SH3BP5: variants seen among roughly 807,000 people sequenced by gnomAD.
SH3BP5 encodes SH3 domain binding protein 5, also known as SH3 domain-binding protein 5.
A neutral mutation model predicts 43.3 loss-of-function variants in SH3BP5; 22 were observed. The observed-to-expected ratio is 0.51, with a 90% CI of 0.36 to 0.73. The LOEUF (loss-of-function observed/expected upper bound fraction) is 0.73. Among genes scored for constraint, SH3BP5 ranks in the 30% least tolerant of loss-of-function variants. The pLI is 0.00. For synonymous variants in SH3BP5, 255 were observed against 225.8 expected (o/e 1.13, Z -1.16); for missense variants, 529 against 586.9 (o/e 0.90, Z 1.02).
chr3:15,270,020 T>C lies in SH3BP5; in HGVS notation c.331-143A>G, dbSNP rs889681581. 160 of 661,284 alleles carry C rather than the reference T, an allele frequency of 2.4e-4. 1 individual carries two copies. The highest frequency in any genetic ancestry group is 7.9e-5 in the Non-Finnish European group (32 of 407,414). The allele number at this position is 661,284 out of a possible 1,614,324, so 41.0% of individuals were successfully genotyped here. A position where few individuals can be genotyped will look rare whatever the true frequency, so the allele number is the denominator to read the frequency against. On this transcript the variant is annotated intron_variant, in intron 3 of 8. Transcript: ENST00000383791. ...CACTCCTGGCACCCACAGGTCCTCATAGATGCCAGACAGGGCAATGGACCC... is the reference window on the plus strand; with the variant it reads ...CACTCCTGGCACCCACAGGTCCTCACAGATGCCAGACAGGGCAATGGACCC...
intron 3 of SH3BP5, among the ~76,000 whole-genome samples, chr3:15,274,177 C>T (rs191257650): frequency 9.0e-4 from 137 of 151,528 alleles, no homozygotes; most frequent in African/African-American, 3.0e-3. Context: ...ACCCAGGAGG[C>T]GGAGGTTGCA....
At chr3:15,289,599 T>C (rs1274109489) in intron 3 of SH3BP5, among the ~76,000 whole-genome samples, 1 of 152,230 alleles carries the variant, frequency 6.6e-6, no homozygotes, top group African/African-American at 2.4e-5. Context: ...TTTTGAGTTC[T>C]GTTGCTTACG....
intron 3 of SH3BP5, among the ~76,000 whole-genome samples, chr3:15,294,870 G>A (rs1697525777): frequency 6.6e-6 from 1 of 152,180 alleles, no homozygotes; most frequent in South Asian, 2.1e-4. Flanking sequence ...TGTCCATGCT[G>A]TTCCTTTCCT....
upstream of SH3BP5, among the ~76,000 whole-genome samples, chr3:15,334,552 G>T (rs1698678626): frequency 6.7e-6 from 1 of 150,224 alleles, no homozygotes; most frequent in Non-Finnish European, 1.5e-5. Flanking sequence ...AACAAAGCGA[G>T]ACTGCCTTGC....
At chr3:15,267,689 C>G (rs1188257035) in intron 4 of SH3BP5, among the ~76,000 whole-genome samples, 1 of 152,176 alleles carries the variant, frequency 6.6e-6, no homozygotes. Flanking sequence ...TTGCACTGCA[C>G]AACTCCAAAA....
At chr3:15,338,193 A>G (rs1171291163) in intron 1 of SH3BP5, among the ~76,000 whole-genome samples, 2 of 151,926 alleles carry the variant, frequency 1.3e-5, no homozygotes, top group Non-Finnish European at 2.9e-5. Flanking sequence ...AAATACAAAA[A>G]CTAGCTAGGT....
intron 3 of SH3BP5, among the ~76,000 whole-genome samples, chr3:15,291,996 G>A (rs898560110): frequency 1.3e-5 from 2 of 152,136 alleles, no homozygotes; most frequent in Non-Finnish European, 2.9e-5. Context: ...CACAGCCGGG[G>A]CCCAAACCTC....
At chr3:15,265,320 A>G (rs574526747) in intron 4 of SH3BP5, among the ~76,000 whole-genome samples, 72 of 152,232 alleles carry the variant, frequency 4.7e-4, no homozygotes, top group African/African-American at 1.7e-3. Context: ...GTTCAAGACC[A>G]ACCTGGCCAA....
At chr3:15,290,124 G>C (rs566224340) in intron 3 of SH3BP5, among the ~76,000 whole-genome samples, 2 of 152,096 alleles carry the variant, frequency 1.3e-5, no homozygotes, top group African/African-American at 2.4e-5. Flanking sequence ...TCCTCAGGCC[G>C]GGCACGGTGG....
At chr3:15,284,459 T>C (rs1425629946) in intron 3 of SH3BP5, among the ~76,000 whole-genome samples, 3 of 152,166 alleles carry the variant, frequency 2.0e-5, no homozygotes, top group Non-Finnish European at 4.4e-5. Context: ...GTGCTACTAG[T>C]CTCTATTTGG....
At chr3:15,268,859 C>A (rs2125062420) in intron 4 of SH3BP5, among the ~76,000 whole-genome samples, 1 of 152,236 alleles carries the variant, frequency 6.6e-6, no homozygotes, top group South Asian at 2.1e-4. Context: ...ACCTTATAAG[C>A]TCATGTACCC....
intron 4 of SH3BP5, 78 bp downstream of exon 4, chr3:15,269,635 G>A: frequency 7.0e-7 from 1 of 1,428,310 alleles, no homozygotes; most frequent in Non-Finnish European, 9.3e-7. Context: ...TGGGAGTCGA[G>A]TCTGTTACCT....
At chr3:15,323,544 G>C (rs1360253607) in intron 2 of SH3BP5, among the ~76,000 whole-genome samples, 2 of 152,130 alleles carry the variant, frequency 1.3e-5, no homozygotes, top group Non-Finnish European at 2.9e-5. Flanking sequence ...CATCCTCCAG[G>C]CTACCCAGGG....
intron 3 of SH3BP5, among the ~76,000 whole-genome samples, chr3:15,277,276 T>C (rs550240323): frequency 1.6e-3 from 247 of 152,164 alleles, no homozygotes; most frequent in Non-Finnish European, 3.2e-3. Context: ...CCAGCCTCAT[T>C]CTAAACTTCT....
chr3:15,259,191 AT>A (rs1430397427), intron 6 of SH3BP5, 141 bp from the exon 7 acceptor site: 11 of 665,868 alleles, frequency 1.7e-5, no homozygotes, highest in Non-Finnish European at 2.6e-5. Context: ...CCTAATTACC[AT>A]TGTAACTGCT....
At chr3:15,327,419 A>G (rs1167996518) in intron 2 of SH3BP5, among the ~76,000 whole-genome samples, 1 of 151,984 alleles carries the variant, frequency 6.6e-6, no homozygotes. Context: ...AAAACAAAAC[A>G]AAACACTTGA....
chr3:15,283,223 C>T (rs999978692), intron 3 of SH3BP5, among the ~76,000 whole-genome samples: 10 of 152,154 alleles, frequency 6.6e-5, no homozygotes, highest in Non-Finnish European at 1.3e-4. Context: ...CATGGCAAAA[C>T]CCCGTCTCTA....
chr3:15,278,839 A>AT, intron 3 of SH3BP5, among the ~76,000 whole-genome samples: 2 of 152,150 alleles, frequency 1.3e-5, no homozygotes, highest in Non-Finnish European at 2.9e-5. Flanking sequence ...GTTTTTCATT[A>AT]TTTCTATCAA....
intron 2 of SH3BP5, among the ~76,000 whole-genome samples, chr3:15,311,566 A>C (rs1364691119): frequency 9.6e-3 from 1 of 104 alleles, no homozygotes; most frequent in Non-Finnish European, 0.022. Context: ...AAAAAAAGAA[A>C]AACAAAGAAA....
Sources: gnomAD v4.1 joint callset for allele counts (sites outside exome capture counted in the v4.1 genomes callset) on GRCh38, gnomAD v4.1.1 for gene constraint, MANE v1.5 for transcripts, NCBI Gene and HGNC (gene_info 2026-07-23, HGNC 2026-07-21) for gene names.